Variants in CNTN5 observed in about 807,000 individuals in gnomAD.
CNTN5 encodes the protein contactin-5.
A neutral mutation model predicts 129.1 loss-of-function variants in CNTN5; 77 were observed. The ratio of observed to expected loss-of-function variants is 0.60; its 90% CI spans 0.50 to 0.72. CNTN5 has a LOEUF of 0.72. Among genes scored for constraint, CNTN5 ranks in the 30% least tolerant of loss-of-function variants. The probability of loss-of-function intolerance (pLI) is 0.00; values close to 1 mark genes in which losing one functional copy is unlikely to be tolerated. For synonymous variants in CNTN5, 509 were observed against 465.6 expected (o/e 1.09, Z -1.20); for missense variants, 1,478 against 1,328.8 (o/e 1.11, Z -1.75).
intron 2 of CNTN5, among the ~76,000 whole-genome samples, chr11:99,337,967 A>T (rs1372819496): frequency 6.6e-6 from 1 of 152,188 alleles, no homozygotes; most frequent in Non-Finnish European, 1.5e-5. Flanking sequence ...ATTCAACTAT[A>T]GGATATTTCA....
chr11:100,242,251 T>C (rs982626651), intron 16 of CNTN5, among the ~76,000 whole-genome samples: 2 of 152,238 alleles, frequency 1.3e-5, no homozygotes, highest in African/African-American at 4.8e-5. Flanking sequence ...TTTATGTGGC[T>C]GGCTGGCTCC....
chr11:100,284,145 G>T (rs766320633), intron 18 of CNTN5, among the ~76,000 whole-genome samples: 1 of 152,072 alleles, frequency 6.6e-6, no homozygotes, highest in African/African-American at 2.4e-5. Flanking sequence ...ATGGAGGAGC[G>T]GTGGTCTCAG....
chr11:99,792,538 G>GGTGTGT (rs111267307), intron 3 of CNTN5, among the ~76,000 whole-genome samples: 243 of 127,792 alleles, frequency 1.9e-3, no homozygotes, highest in African/African-American at 5.6e-3. Context: ...CCTGAAGAGG[G>GGTGTGT]GTGTGTGTGT....
chr11:99,123,007 C>T (rs1052398907), intron 1 of CNTN5, among the ~76,000 whole-genome samples: 2 of 152,070 alleles, frequency 1.3e-5, no homozygotes, highest in African/African-American at 4.8e-5. Context: ...AATAAACATA[C>T]ATGTGCATGT....
intron 13 of CNTN5, among the ~76,000 whole-genome samples, chr11:100,140,016 G>A (rs1440158520): frequency 6.6e-6 from 1 of 152,142 alleles, no homozygotes; most frequent in Non-Finnish European, 1.5e-5. Context: ...AGAAAGGTTA[G>A]CCCAGCAGGG....
At chr11:99,943,729 TC>T (rs1188826151) in intron 7 of CNTN5, among the ~76,000 whole-genome samples, 1 of 152,082 alleles carries the variant, frequency 6.6e-6, no homozygotes, top group Non-Finnish European at 1.5e-5. Context: ...AAGGAAGGGG[TC>T]CAGTTTCTGT....
chr11:99,345,432 A>G (rs1424706066), intron 2 of CNTN5, among the ~76,000 whole-genome samples: 2 of 152,202 alleles, frequency 1.3e-5, no homozygotes, highest in African/African-American at 4.8e-5. Flanking sequence ...GGCAACTTAA[A>G]ATAAATATAT....
intron 13 of CNTN5, among the ~76,000 whole-genome samples, chr11:100,177,780 T>A (rs990058256): frequency 1.3e-5 from 2 of 152,182 alleles, no homozygotes; most frequent in African/African-American, 2.4e-5. Flanking sequence ...AATATATTCA[T>A]GCTCTTCTGG....
chr11:100,347,378 TTC>T (rs1304337732), intron 23 of CNTN5, among the ~76,000 whole-genome samples: 1 of 152,214 alleles, frequency 6.6e-6, no homozygotes, highest in East Asian at 1.9e-4. Context: ...CAGCCTTCTT[TTC>T]TCTGTTTCCA....
In CNTN5 at chr11:99,177,032, T is replaced by C. The variant is rs370377369; in HGVS notation, c.-209-148314T>C. On this transcript the variant is annotated intron_variant, in intron 1 of 24. Transcript: ENST00000524871. ...TCCCACTGTAAATCAATCCAGGTCTTGAACAGGTCAAGGACCAGGTTTGTT... is the reference window on the plus strand; with the variant it reads ...TCCCACTGTAAATCAATCCAGGTCTCGAACAGGTCAAGGACCAGGTTTGTT... Among the ~76,000 whole-genome samples, 9 of 152,326 alleles carry C rather than the reference T, an allele frequency of 5.9e-5. No homozygotes were observed. In the East Asian group the frequency reaches 1.4e-3, roughly 23 times the overall value.
chr11:100,211,961 T>C (rs750947892), intron 15 of CNTN5, among the ~76,000 whole-genome samples: 1 of 152,118 alleles, frequency 6.6e-6, no homozygotes, highest in Non-Finnish European at 1.5e-5. Flanking sequence ...GGTGAGATCA[T>C]ATCATGGATG....
intron 8 of CNTN5, among the ~76,000 whole-genome samples, chr11:99,975,778 A>G (rs1937913782): frequency 6.6e-6 from 1 of 152,076 alleles, no homozygotes; most frequent in Non-Finnish European, 1.5e-5. Context: ...TGAGATTTGG[A>G]TGGGGACACA....
At chr11:99,332,760 G>A (rs1866052915) in intron 2 of CNTN5, among the ~76,000 whole-genome samples, 1 of 151,984 alleles carries the variant, frequency 6.6e-6, no homozygotes, top group Non-Finnish European at 1.5e-5. Flanking sequence ...AACCCCTGCA[G>A]CTAATGTATG....
intron 9 of CNTN5, among the ~76,000 whole-genome samples, chr11:100,045,994 A>G (rs544643181): frequency 1.9e-4 from 29 of 152,094 alleles, no homozygotes; most frequent in African/African-American, 6.5e-4. Flanking sequence ...GTTAGGGTAC[A>G]TGTGCACAAT....
chr11:99,525,439 A>G (rs568031484), intron 2 of CNTN5, among the ~76,000 whole-genome samples: 2 of 152,376 alleles, frequency 1.3e-5, no homozygotes, highest in Admixed American at 1.3e-4. Context: ...TGAATAGATT[A>G]TGAAATATAC....
chr11:99,821,391 A>G (rs1352578844), intron 4 of CNTN5, among the ~76,000 whole-genome samples: 1 of 152,194 alleles, frequency 6.6e-6, no homozygotes, highest in Admixed American at 6.5e-5. Context: ...CTGTGAGCTG[A>G]TCCTATTTTG....
chr11:100,275,023 T>C (rs370924881), intron 18 of CNTN5, among the ~76,000 whole-genome samples: 26 of 151,760 alleles, frequency 1.7e-4, no homozygotes, highest in South Asian at 8.3e-4. Flanking sequence ...ATCCACATGA[T>C]CAAATTATCA....
intron 2 of CNTN5, among the ~76,000 whole-genome samples, chr11:99,490,001 T>C (rs1005077235): frequency 7.9e-5 from 12 of 152,346 alleles, no homozygotes; most frequent in African/African-American, 2.4e-4. Flanking sequence ...TCTTTTATTA[T>C]ATCTGGACAT....
intron 7 of CNTN5, among the ~76,000 whole-genome samples, chr11:99,925,499 C>A (rs769411641): frequency 8.5e-5 from 13 of 152,196 alleles, no homozygotes; most frequent in Non-Finnish European, 1.3e-4. Flanking sequence ...AAATAATAGT[C>A]AAAATGCAAT....
Sources: allele counts gnomAD v4.1 joint callset (sites outside exome capture counted in the v4.1 genomes callset), GRCh38; gene constraint gnomAD v4.1.1; transcripts MANE v1.5; gene names NCBI Gene and HGNC (gene_info 2026-07-23, HGNC 2026-07-21).